The following PKDREJ variants were observed in gnomAD, a reference collection of about 807,000 sequenced individuals.
PKDREJ encodes polycystin family receptor for egg jelly, also known as PKD and REJ homolog.
For synonymous variants in PKDREJ, 1,031 were observed against 1,095.5 expected, an observed-to-expected ratio of 0.94 and a Z score of 1.16; for missense variants, 2,507 against 2,807.2, an observed-to-expected ratio of 0.89 and a Z score of 2.42.
In PKDREJ at chr22:46,260,206, G is replaced by C. The variant is rs765928132; in HGVS notation, c.3117C>G (p.Ser1039Arg). 2.5e-6 allele frequency: 4 copies of C among 1,614,054 alleles called. No individual in the cohort carries two copies. The East Asian group carries it at 8.9e-5, about 36-fold the overall frequency. ...LVPHDIPPFA[S>R]QSALFDPACT... ...AGGCTGGGTCAAACAGGGCACTCTGGCTGGCAAATGGAGGGATGTCATGAG... is the reference window on the plus strand; with the variant it reads ...AGGCTGGGTCAAACAGGGCACTCTGCCTGGCAAATGGAGGGATGTCATGAG... Residue 1039 changes from serine to arginine, a missense_variant, in exon 1 of 1, where the codon AGC becomes AGG. Coordinates refer to ENST00000253255, the MANE Select transcript of PKDREJ (RefSeq NM_006071.2). This position sits in a 1 kb window ranked among gnomAD's most constrained non-coding sequence, Gnocchi z 4.5.
At position 46,263,191 on chromosome 22, in the gene PKDREJ, G is replaced by T. The variant is rs909186981; in HGVS notation, c.132C>A (p.Gly44=). The T allele has an allele frequency of 1.5e-6, 2 of 1,314,372 alleles. No homozygotes were observed. Among genetic ancestry groups the T allele is most frequent in the East Asian group, 3.3e-5 (1 of 29,914 alleles). The allele number at this position is 1,314,372 out of a possible 1,614,324, so 81.4% of individuals were successfully genotyped here. ...CGCCGCGCACCCCGAGGCCCGGGGCGCCCCTGAGGAGGCCACCGGGCGCCC... is the reference window on the plus strand; with the variant it reads ...CGCCGCGCACCCCGAGGCCCGGGGCTCCCCTGAGGAGGCCACCGGGCGCCC... The part of the protein sequence containing the change: ...VSGAPGGLLR[G]APGLGVRGGR... Residue 44 remains glycine (G), a synonymous_variant, in exon 1 of 1, where the codon GGC becomes GGA. Transcript: ENST00000253255. The surrounding 1 kb of genome is among the most constrained non-coding windows in gnomAD (Gnocchi z 9.4).
chr22:46,256,604 G>C lies in PKDREJ; in HGVS notation c.6719C>G (p.Thr2240Ser). 1 of 1,613,898 alleles carries C rather than the reference G, an allele frequency of 6.2e-7. No homozygotes were observed. Among genetic ancestry groups the C allele is most frequent in the Non-Finnish European group, 8.5e-7 (1 of 1,179,954 alleles). The change falls in exon 1 of 1, where the codon ACC becomes AGC. Residue 2240 changes from threonine to serine, a missense_variant. Physicochemically the swap from Thr to Ser is moderately conservative, Grantham distance 58. Coordinates refer to ENST00000253255, the MANE Select transcript of PKDREJ (RefSeq NM_006071.2). The surrounding 1 kb of genome is among the most constrained non-coding windows in gnomAD (Gnocchi z 5.3). ...CATTTTCTTCCCGTTGATGTTTCTG[G>C]TCTTCAGCCCCAGATAACGGTGGCT... ...KNSHRYLGLK[T>S]RNINGKKMVY...
Position 46,258,221 on chromosome 22 carries a change from T to C in PKDREJ, c.5102A>G (p.Lys1701Arg). Residue 1701 changes from lysine (K) to arginine (R), a missense_variant, in exon 1 of 1, where the codon AAG becomes AGG. Physicochemically the swap from Lys to Arg is conservative, Grantham distance 26. Transcript: ENST00000253255. The surrounding 1 kb of genome is among the most constrained non-coding windows in gnomAD (Gnocchi z 6.1). ...EDEIRIFKRKKRIKRRALLFL... is the reference protein window; with the variant it reads ...EDEIRIFKRKRRIKRRALLFL... ...CAGGAGTGCTCTTCTCTTGATCCTC[T>C]TCTTTCTTTTGAATATTCTGATTTC... 6.2e-7 allele frequency: 1 copy of C among 1,614,214 alleles called. No homozygotes were observed. Among genetic ancestry groups the C allele is most frequent in the Non-Finnish European group, 8.5e-7 (1 of 1,180,010 alleles).
In PKDREJ at chr22:46,261,978, G is replaced by A. The variant is rs1569006246; in HGVS notation, c.1345C>T (p.His449Tyr). 1.2e-6 allele frequency: 2 copies of A among 1,614,044 alleles called. No homozygotes were observed. The highest frequency in any genetic ancestry group is 2.7e-5 in the African/African-American group (2 of 75,052). ...SRTAFSDKRV[H>Y]VLQGPKAIAH... is the part of the protein sequence containing the mutation. ...ATGGCTTTTGGTCCTTGGAGCACGT[G>A]GACCCTCTTATCAGAAAACGCTGTC... Residue 449 changes from histidine to tyrosine, a missense_variant, in exon 1 of 1, where the codon CAC (histidine) becomes TAC (tyrosine). Physicochemically the swap from His to Tyr is moderately conservative, Grantham distance 83 (BLOSUM62 2). Coordinates refer to ENST00000253255, the MANE Select transcript of PKDREJ (RefSeq NM_006071.2). This position sits in a 1 kb window ranked among gnomAD's most constrained non-coding sequence, Gnocchi z 7.1.
rs6519993 is a variant in PKDREJ, at chr22:46,260,582, A to G, written c.2741T>C (p.Leu914Pro). The G allele has an allele frequency of 0.16, 258,036 of 1,613,214 alleles. 29,665 individuals are homozygous for G. Among genetic ancestry groups the G allele is most frequent in the African/African-American group, 0.6 (45,291 of 74,926 alleles). ...TTCCTGATCATTTAACCAAGGAAAG[A>G]GGTCATTTGTGAAATCACAAAACAT... The part of the protein sequence containing the change: ...STMFCDFTND[L>P]FPWLNDQENT... Residue 914 changes from leucine to proline, a missense_variant, in exon 1 of 1, where the codon CTC becomes CCC. Coordinates refer to ENST00000253255, the MANE Select transcript of PKDREJ (RefSeq NM_006071.2). This position sits in a 1 kb window ranked among gnomAD's most constrained non-coding sequence, Gnocchi z 4.5.
At position 46,257,460 on chromosome 22, in the gene PKDREJ, C is replaced by A; in HGVS notation, c.5863G>T (p.Ala1955Ser). ...TSISLHSFSLADFDRKASAEI... is the reference protein window; with the variant it reads ...TSISLHSFSLSDFDRKASAEI... ...GCTGAAGCTTTTCTGTCAAAATCAGCAAGTGAAAAAGAGTGCAGAGATATG... is the reference window on the plus strand; with the variant it reads ...GCTGAAGCTTTTCTGTCAAAATCAGAAAGTGAAAAAGAGTGCAGAGATATG... Residue 1955 changes from alanine to serine, a missense_variant, in exon 1 of 1, where the codon GCT becomes TCT. Physicochemically the swap from Ala to Ser is moderately conservative, Grantham distance 99. Transcript: ENST00000253255. The surrounding 1 kb of genome is among the most constrained non-coding windows in gnomAD (Gnocchi z 4.7). The A allele has an allele frequency of 6.2e-7, 1 of 1,613,838 alleles. No individual in the cohort carries two copies. Among genetic ancestry groups the A allele is most frequent in the African/African-American group, 1.3e-5 (1 of 75,024 alleles).
Position 46,261,798 on chromosome 22 carries a change from C to G in PKDREJ, c.1525G>C (p.Gly509Arg). 1 of 1,614,078 alleles carries G rather than the reference C, an allele frequency of 6.2e-7. No individual in the cohort carries two copies. Residue 509 changes from glycine (G) to arginine (R), a missense_variant, in exon 1 of 1, where the codon GGG becomes CGG. Physicochemically the swap from Gly to Arg is moderately radical, Grantham distance 125. Transcript: ENST00000253255. The surrounding 1 kb of genome is among the most constrained non-coding windows in gnomAD (Gnocchi z 7.1). Reference protein sequence around the residue: ...SGGEMLFDWMGETVTGRNGAY... With the variant: ...SGGEMLFDWMRETVTGRNGAY... ...CCATTCCTTCCTGTTACAGTTTCCC[C>G]CATCCAATCAAATAGCATCTCACCA...
chr22:46,260,947 C>A lies in PKDREJ; in HGVS notation c.2376G>T (p.Gln792His), dbSNP rs1468167018. The A allele has an allele frequency of 2.5e-6, 4 of 1,614,016 alleles. No individual in the cohort carries two copies. The highest frequency in any genetic ancestry group is 3.4e-6 in the Non-Finnish European group (4 of 1,180,030). ...CAGATCGAAAGCGTTTATCTTTTTG[C>A]TGATACTCTTGTAGGGCTTGATTTG... The part of the protein sequence containing the change: ...WQANQALQEY[Q>H]QKDKRFRSEQ... The change falls in exon 1 of 1, where the codon CAG becomes CAT. Residue 792 changes from glutamine (Q) to histidine (H), a missense_variant. By Grantham distance (24) the Gln-to-His change is conservative. Coordinates refer to ENST00000253255, the MANE Select transcript of PKDREJ (RefSeq NM_006071.2). The surrounding 1 kb of genome is among the most constrained non-coding windows in gnomAD (Gnocchi z 4.5).
In PKDREJ at chr22:46,258,174, G is replaced by C. The variant is rs770837631; in HGVS notation, c.5149C>G (p.His1717Asp). ...AACAGAAGGGCTAGAAAGATAAAGT[G>C]AGTTAGAATGTAACTCAGAAACAGG... ...ALLFLSYILT[H>D]FIFLALLLIL... is the part of the protein sequence containing the mutation. The change falls in exon 1 of 1, where the codon CAC becomes GAC. Residue 1717 changes from histidine (H) to aspartate (D), a missense_variant. Coordinates refer to ENST00000253255, the MANE Select transcript of PKDREJ (RefSeq NM_006071.2). This position sits in a 1 kb window ranked among gnomAD's most constrained non-coding sequence, Gnocchi z 6.1. 7 of 1,614,036 alleles carry C rather than the reference G, an allele frequency of 4.3e-6. No homozygotes were observed. The African/African-American group carries it at 9.3e-5, about 22-fold the overall frequency.
chr22:46,262,521 C>T lies in PKDREJ; in HGVS notation c.802G>A (p.Gly268Ser). 1 of 1,587,434 alleles carries T rather than the reference C, an allele frequency of 6.3e-7. No individual in the cohort carries two copies. Among genetic ancestry groups the T allele is most frequent in the Non-Finnish European group, 8.6e-7 (1 of 1,166,032 alleles). The change falls in exon 1 of 1, where the codon GGT becomes AGT. Residue 268 changes from glycine (G) to serine (S), a missense_variant. By Grantham distance (56) the Gly-to-Ser change is moderately conservative (BLOSUM62 0). Transcript: ENST00000253255. This position sits in a 1 kb window ranked among gnomAD's most constrained non-coding sequence, Gnocchi z 8.1. ...GGCTGCGTCCAGTCGGGCGCCTGAC[C>T]CACGGCGGGCACGGAGAACACCTGC... ...YWQVFSVPAVGQAPDWTQPLD... is the reference protein window; with the variant it reads ...YWQVFSVPAVSQAPDWTQPLD...
chr22:46,258,424 CAG>C lies in PKDREJ; in HGVS notation c.4897_4898del (p.Leu1633ValfsTer7), dbSNP rs748048065. On this transcript the variant is annotated frameshift_variant, in exon 1 of 1. Coordinates refer to ENST00000253255, the MANE Select transcript of PKDREJ (RefSeq NM_006071.2). LOFTEE classifies it low-confidence loss of function (END_TRUNC). This position sits in a 1 kb window ranked among gnomAD's most constrained non-coding sequence, Gnocchi z 6.1. ...LLVQPSKIILLSGFRTNKPKY... is the reference protein window; with the variant it reads ...LLVQPSKIILXSGFRTNKPKY... Reference sequence around the variant, plus strand: ...TGGGTTTATTCGTTCTGAAGCCTGACAGGAGTATAATTTTAGATGGCTGCACC... The same window carrying C: ...TGGGTTTATTCGTTCTGAAGCCTGACGAGTATAATTTTAGATGGCTGCACC... 15 of 1,613,932 alleles carry C rather than the reference CAG, an allele frequency of 9.3e-6. No individual in the cohort carries two copies. The Admixed American group carries it at 1.0e-4, about 11-fold the overall frequency.
In PKDREJ at chr22:46,257,286, T is replaced by A. The variant is rs368610735; in HGVS notation, c.6037A>T (p.Ile2013Phe). 6.2e-7 allele frequency: 1 copy of A among 1,613,928 alleles called. No individual in the cohort carries two copies. The highest frequency in any genetic ancestry group is 8.5e-7 in the Non-Finnish European group (1 of 1,180,042). Reference protein sequence around the residue: ...FALKCIFTVLIVLFLRKHFLA... With the variant: ...FALKCIFTVLFVLFLRKHFLA... ...AAATGTTTCCTGAGAAAGAGCACAA[T>A]CAACACAGTAAATATGCACTTTAAA... The change falls in exon 1 of 1, where the codon ATT (isoleucine) becomes TTT (phenylalanine). Residue 2013 changes from isoleucine (I) to phenylalanine (F), a missense_variant. Physicochemically the swap from Ile to Phe is conservative, Grantham distance 21. Coordinates refer to ENST00000253255, the MANE Select transcript of PKDREJ (RefSeq NM_006071.2). This position sits in a 1 kb window ranked among gnomAD's most constrained non-coding sequence, Gnocchi z 4.7.
rs1336863017 is a variant in PKDREJ at position 46,257,475 on chromosome 22, G to T, written c.5848C>A (p.His1950Asn). Residue 1950 changes from histidine to asparagine, a missense_variant, in exon 1 of 1, where the codon CAC (histidine) becomes AAC (asparagine). His to Asn is a moderately conservative substitution (Grantham distance 68). Transcript: ENST00000253255. This position sits in a 1 kb window ranked among gnomAD's most constrained non-coding sequence, Gnocchi z 4.7. ...LGVVNTSISL[H>N]SFSLADFDRK... ...TCAAAATCAGCAAGTGAAAAAGAGT[G>T]CAGAGATATGCTTGTGTTGACAACT... 6.2e-7 allele frequency: 1 copy of T among 1,614,096 alleles called. No individual in the cohort carries two copies.
chr22:46,261,609 T>C lies in PKDREJ; in HGVS notation c.1714A>G (p.Lys572Glu). The change falls in exon 1 of 1, where the codon AAA (lysine) becomes GAA (glutamate). Residue 572 changes from lysine to glutamate, a missense_variant. Physicochemically the swap from Lys to Glu is moderately conservative, Grantham distance 56. Coordinates refer to ENST00000253255, the MANE Select transcript of PKDREJ (RefSeq NM_006071.2). This position sits in a 1 kb window ranked among gnomAD's most constrained non-coding sequence, Gnocchi z 7.1. ...QIGECKINPAKGIALITKFVV... is the reference protein window; with the variant it reads ...QIGECKINPAEGIALITKFVV... Reference sequence around the variant, plus strand: ...AATTTAGTAATAAGTGCAATTCCTTTAGCTGGATTAATTTTGCATTCTCCG... The same window carrying C: ...AATTTAGTAATAAGTGCAATTCCTTCAGCTGGATTAATTTTGCATTCTCCG... 1.9e-6 allele frequency: 3 copies of C among 1,613,950 alleles called. No homozygotes were observed. The highest frequency in any genetic ancestry group is 2.5e-6 in the Non-Finnish European group (3 of 1,179,846).
chr22:46,262,245 TGGACCCGTCCA>T lies in PKDREJ; in HGVS notation c.1067_1077del (p.Leu356HisfsTer65), dbSNP rs1385746289. 6.2e-7 allele frequency: 1 copy of T among 1,614,206 alleles called. No homozygotes were observed. The highest frequency in any genetic ancestry group is 8.5e-7 in the Non-Finnish European group (1 of 1,180,032). ...CTGTCCGCATCTGGGTCCGAGGACG[TGGACCCGTCCA>T]GAATCAGCTGCTCTGTGAAATTAGC... On this transcript the variant is annotated frameshift_variant, in exon 1 of 1. Coordinates refer to ENST00000253255, the MANE Select transcript of PKDREJ (RefSeq NM_006071.2). LOFTEE classifies it low-confidence loss of function (END_TRUNC). The surrounding 1 kb of genome is among the most constrained non-coding windows in gnomAD (Gnocchi z 8.1).
In PKDREJ at chr22:46,261,919, T is replaced by G; in HGVS notation, c.1404A>C (p.Arg468Ser). Residue 468 changes from arginine to serine, a missense_variant, in exon 1 of 1, where the codon AGA (arginine) becomes AGC (serine). Arg to Ser is a moderately radical substitution (Grantham distance 110). Coordinates refer to ENST00000253255, the MANE Select transcript of PKDREJ (RefSeq NM_006071.2). This position sits in a 1 kb window ranked among gnomAD's most constrained non-coding sequence, Gnocchi z 7.1. ...AHITCIENCE[R>S]NFIVSDRFSL... is the part of the protein sequence containing the mutation. ...AAAATCTATCAGAGACAATGAAGTT[T>G]CTCTCACAATTTTCGATACATGTGA... 1 of 1,614,160 alleles carries G rather than the reference T, an allele frequency of 6.2e-7. No homozygotes were observed. The highest frequency in any genetic ancestry group is 1.1e-5 in the South Asian group (1 of 91,082).
In PKDREJ at chr22:46,257,122, C is replaced by G. The variant is rs1283499731; in HGVS notation, c.6201G>C (p.Arg2067Ser). 2 of 1,613,920 alleles carry G rather than the reference C, an allele frequency of 1.2e-6. No homozygotes were observed. Among genetic ancestry groups the G allele is most frequent in the Non-Finnish European group, 1.7e-6 (2 of 1,180,036 alleles). Residue 2067 changes from arginine to serine, a missense_variant, in exon 1 of 1, where the codon AGG (arginine) becomes AGC (serine). Physicochemically the swap from Arg to Ser is moderately radical, Grantham distance 110. Coordinates refer to ENST00000253255, the MANE Select transcript of PKDREJ (RefSeq NM_006071.2). This position sits in a 1 kb window ranked among gnomAD's most constrained non-coding sequence, Gnocchi z 4.7. ...GCACATCGTAGAAGAATCTGGAATA[C>G]CTGAGGGTCTTCAAAATTGTCAGAA... ...LLFLTILKTL[R>S]YSRFFYDVRL...
Position 46,256,943 on chromosome 22 carries a change from G to A in PKDREJ, c.6380C>T (p.Thr2127Ile), listed in dbSNP as rs751540412. The change falls in exon 1 of 1, where the codon ACA (threonine) becomes ATA (isoleucine). Residue 2127 changes from threonine (T) to isoleucine (I), a missense_variant. Transcript: ENST00000253255. The surrounding 1 kb of genome is among the most constrained non-coding windows in gnomAD (Gnocchi z 5.3). The stretch of plus-strand genomic sequence containing the variant: ...AGCTGAGACACAATAGGAAAATACT[G>A]TCTGAGTGGAATGAATCAAGTTACT... ...NYSNLIHSTQ[T>I]VFSYCVSAFQ... 2 of 1,613,820 alleles carry A rather than the reference G, an allele frequency of 1.2e-6. No homozygotes were observed. Among genetic ancestry groups the A allele is most frequent in the Admixed American group, 1.7e-5 (1 of 60,004 alleles).
At position 46,261,174 on chromosome 22, in the gene PKDREJ, A is replaced by G; in HGVS notation, c.2149T>C (p.Leu717=). 1 of 1,614,206 alleles carries G rather than the reference A, an allele frequency of 6.2e-7. No homozygotes were observed. The highest frequency in any genetic ancestry group is 1.3e-5 in the African/African-American group (1 of 75,060). Residue 717 remains leucine (L), a synonymous_variant, in exon 1 of 1, where the codon TTG becomes CTG. Coordinates refer to ENST00000253255, the MANE Select transcript of PKDREJ (RefSeq NM_006071.2). The surrounding 1 kb of genome is among the most constrained non-coding windows in gnomAD (Gnocchi z 7.1). ...GGTAATTCAGTTTTCATGTTATTCA[A>G]AACGGAAGCTACTATATACAGTAAG... ...GYLLYIVASV[L]NNMKTELPLR...
Sources: allele counts gnomAD v4.1 joint callset, GRCh38; gene constraint gnomAD v4.1.1; non-coding constraint Gnocchi (gnomAD v3.1); transcripts MANE v1.5; gene names NCBI Gene and HGNC (gene_info 2026-07-23, HGNC 2026-07-21).